The following BNC2 variants were observed in gnomAD, a reference collection of about 807,000 sequenced individuals.
BNC2 encodes basonuclin zinc finger protein 2.
Under a neutral mutation model 76.3 loss-of-function variants are expected in BNC2, and 20 were observed. The ratio of observed to expected loss-of-function variants is 0.26; its 90% CI spans 0.18 to 0.38. The LOEUF is 0.38. BNC2 is among the 10% of genes least tolerant of loss of function. BNC2 has a pLI of 1.00. For synonymous variants in BNC2, 582 were observed against 514.8 expected, an observed-to-expected ratio of 1.13 and a Z score of -1.77; for missense variants, 1,382 against 1,399.8, an observed-to-expected ratio of 0.99 and a Z score of 0.20.
chr9:16,487,742 T>C (rs1822195121), intron 5 of BNC2, among the ~76,000 whole-genome samples: 1 of 152,216 alleles, frequency 6.6e-6, no homozygotes, highest in Non-Finnish European at 1.5e-5. Flanking sequence ...AGCCGATTTC[T>C]TGGAATGAAG....
chr9:16,464,502 A>C (rs1463615732), intron 5 of BNC2, among the ~76,000 whole-genome samples: 1 of 152,226 alleles, frequency 6.6e-6, no homozygotes, highest in Non-Finnish European at 1.5e-5. Context: ...CACATCATAC[A>C]TGAAGACAAA....
intron 3 of BNC2, among the ~76,000 whole-genome samples, chr9:16,604,583 G>T (rs1016531316): frequency 6.6e-6 from 1 of 152,082 alleles, no homozygotes; most frequent in Non-Finnish European, 1.5e-5. Flanking sequence ...GATCACTTGA[G>T]GCCAGGAGTT....
At chr9:16,728,052 A>G (rs982787922) in intron 2 of BNC2, 55 bp from the exon 3 acceptor site, 84 of 1,243,624 alleles carry the variant, frequency 6.8e-5, no homozygotes, top group African/African-American at 5.0e-4. Context: ...GCAGGAGTGT[A>G]GTGTAGTTAA....
chr9:16,831,394 T>C (rs915255623), intron 1 of BNC2, among the ~76,000 whole-genome samples: 4 of 152,256 alleles, frequency 2.6e-5, no homozygotes, highest in Non-Finnish European at 5.9e-5. Context: ...TTCACGTATA[T>C]TCAAAGAACT....
intron 5 of BNC2, among the ~76,000 whole-genome samples, chr9:16,464,041 C>A (rs1444689379): frequency 6.9e-6 from 1 of 144,266 alleles, no homozygotes; most frequent in Non-Finnish European, 1.5e-5. Flanking sequence ...TTACAGTGAG[C>A]CAAGATTGTG....
chr9:16,787,514 T>G (rs1826329329), intron 1 of BNC2, among the ~76,000 whole-genome samples: 1 of 152,190 alleles, frequency 6.6e-6, no homozygotes, highest in South Asian at 2.1e-4. Context: ...TTTCCTCACT[T>G]GTAAGAGACA....
intron 5 of BNC2, among the ~76,000 whole-genome samples, chr9:16,449,126 A>G (rs913736129): frequency 6.6e-6 from 1 of 152,200 alleles, no homozygotes; most frequent in African/African-American, 2.4e-5. Flanking sequence ...AAAAAGGATA[A>G]AAGGAGAAAG....
intron 5 of BNC2, among the ~76,000 whole-genome samples, chr9:16,483,165 T>C (rs1464008944): frequency 6.6e-6 from 1 of 152,158 alleles, no homozygotes; most frequent in East Asian, 1.9e-4. Flanking sequence ...AACTCGGTTT[T>C]CCCCTGTTTA....
chr9:16,807,045 G>A (rs1466983614), intron 1 of BNC2, among the ~76,000 whole-genome samples: 1 of 152,114 alleles, frequency 6.6e-6, no homozygotes, highest in Admixed American at 6.6e-5. Context: ...ATGTTAAGCA[G>A]ATTATACTTT....
At chr9:16,767,531 G>C (rs1008311487) in intron 1 of BNC2, among the ~76,000 whole-genome samples, 6 of 118,788 alleles carry the variant, frequency 5.1e-5, no homozygotes, top group Non-Finnish European at 5.8e-5. Flanking sequence ...AATGGCTTCA[G>C]AGTAGAGTCA....
At chr9:16,446,264 T>C (rs1054226824) in intron 5 of BNC2, among the ~76,000 whole-genome samples, 5 of 152,050 alleles carry the variant, frequency 3.3e-5, no homozygotes, top group Admixed American at 6.6e-5. Flanking sequence ...CGAATGGTGA[T>C]ATAATGAGGT....
At chr9:16,448,654 T>C (rs2131022087) in intron 5 of BNC2, among the ~76,000 whole-genome samples, 1 of 152,238 alleles carries the variant, frequency 6.6e-6, no homozygotes, top group South Asian at 2.1e-4. Context: ...GAGGATTGAG[T>C]ATTCCATAAA....
intron 3 of BNC2, among the ~76,000 whole-genome samples, chr9:16,639,719 C>A (rs982042337): frequency 2.6e-5 from 4 of 152,206 alleles, no homozygotes; most frequent in Non-Finnish European, 5.9e-5. Context: ...GAGTTTCAGA[C>A]CAGCCTCGGC....
intron 3 of BNC2, among the ~76,000 whole-genome samples, chr9:16,683,532 G>A (rs1371798913): frequency 6.6e-6 from 1 of 152,118 alleles, no homozygotes; most frequent in Admixed American, 6.5e-5. Flanking sequence ...TGACTGGCAA[G>A]TCCTATAGTG....
intron 5 of BNC2, among the ~76,000 whole-genome samples, chr9:16,449,252 A>C (rs1821289901): frequency 6.6e-6 from 1 of 152,174 alleles, no homozygotes; most frequent in Non-Finnish European, 1.5e-5. Flanking sequence ...AGTCATTTGG[A>C]GAGCTGCAAA....
chr9:16,697,628 C>A (rs1340957876), intron 3 of BNC2, among the ~76,000 whole-genome samples: 6 of 150,444 alleles, frequency 4.0e-5, no homozygotes. Context: ...GGCTAAGAGG[C>A]ACAAGAATTG....
At chr9:16,500,168 C>T (rs1168598246) in intron 5 of BNC2, among the ~76,000 whole-genome samples, 2 of 152,048 alleles carry the variant, frequency 1.3e-5, no homozygotes, top group African/African-American at 4.8e-5. Context: ...TCCCTCTCTC[C>T]TCTACCCCTT....
At chr9:16,673,430 TAAA>T (rs370952322) in intron 3 of BNC2, among the ~76,000 whole-genome samples, 1 of 146,252 alleles carries the variant, frequency 6.8e-6, no homozygotes, top group Non-Finnish European at 1.5e-5. Context: ...TTCTGAGATT[TAAA>T]AAAAAAAAAA....
intron 1 of BNC2, among the ~76,000 whole-genome samples, chr9:16,759,719 T>C (rs1825495643): frequency 8.4e-6 from 1 of 119,730 alleles, no homozygotes; most frequent in Non-Finnish European, 1.8e-5. Flanking sequence ...TTTGGAGACA[T>C]AAACTATTTT....
Sources: gnomAD v4.1 joint callset for allele counts (sites outside exome capture counted in the v4.1 genomes callset) on GRCh38, gnomAD v4.1.1 for gene constraint, MANE v1.5 for transcripts, NCBI Gene and HGNC (gene_info 2026-07-23, HGNC 2026-07-21) for gene names.